FANCI: variants seen among roughly 807,000 people sequenced by gnomAD.
FANCI encodes FA complementation group I, also known as Fanconi anemia group I protein.
In FANCI, 156 loss-of-function variants were observed where a neutral mutation model predicts 176.1. That is an observed-to-expected ratio of 0.89 (90% CI 0.78 to 1.01). The LOEUF (loss-of-function observed/expected upper bound fraction) is 1.01, where lower values mean the gene tolerates loss of function less well. Ranked by LOEUF, FANCI falls within the 50% of genes least tolerant of loss-of-function variation. The pLI is 0.00. For synonymous variants in FANCI, 613 were observed against 541.7 expected (o/e 1.13, Z -1.83); for missense variants, 1,678 against 1,534.1 (o/e 1.09, Z -1.57).
chr15:89,244,918 T>C (rs564915796), intron 1 of FANCI, among the ~76,000 whole-genome samples: 2 of 152,350 alleles, frequency 1.3e-5, no homozygotes, highest in South Asian at 4.2e-4. Flanking sequence ...TTCAATAATT[T>C]GTTCAACAAA....
intron 12 of FANCI, among the ~76,000 whole-genome samples, chr15:89,275,690 C>G (rs184178239): frequency 2.7e-3 from 406 of 152,250 alleles, no homozygotes; most frequent in African/African-American, 9.5e-3. Flanking sequence ...TTTCCCAACC[C>G]AATCTCTTAA....
Position 89,260,696 on chromosome 15 carries a change from C to T in FANCI, c.158-17C>T. On this transcript the variant is annotated splice_polypyrimidine_tract_variant and intron_variant, in intron 3 of 37. Coordinates refer to ENST00000310775, the MANE Select transcript of FANCI (RefSeq NM_001113378.2). ...GTTGTAAGACTTGTTTCTGAACCCCCTGTTTAAAACAATAAGGTTCCCCCT... is the reference window on the plus strand; with the variant it reads ...GTTGTAAGACTTGTTTCTGAACCCCTTGTTTAAAACAATAAGGTTCCCCCT... 1 of 1,612,998 alleles carries T rather than the reference C, an allele frequency of 6.2e-7. No homozygotes were observed. Among genetic ancestry groups the T allele is most frequent in the Non-Finnish European group, 8.5e-7 (1 of 1,179,374 alleles).
At chr15:89,300,265 A>C (rs1191810881) in intron 25 of FANCI, 35 bp from the exon 26 acceptor site, 1 of 1,596,384 alleles carries the variant, frequency 6.3e-7, no homozygotes, top group Non-Finnish European at 8.6e-7. Flanking sequence ...ATGAGTTTAT[A>C]TCAAAGAAGA....
chr15:89,267,361 A>G (rs955856204), intron 9 of FANCI, among the ~76,000 whole-genome samples: 1 of 148,690 alleles, frequency 6.7e-6, no homozygotes, highest in Non-Finnish European at 1.5e-5. Context: ...AGAAGAGGCC[A>G]GTGATGATGC....
intron 12 of FANCI, among the ~76,000 whole-genome samples, chr15:89,274,599 C>CTTTTTTTTTTTTTTTTTTTTTTTTT (rs1157910630): frequency 3.6e-5 from 3 of 82,814 alleles, no homozygotes; most frequent in Non-Finnish European, 6.5e-5. Context: ...TCTTTCTTTC[C>CTTTTTTTTTTTTTTTTTTTTTTTTT]TTTTTTTTTT....
intron 24 of FANCI, among the ~76,000 whole-genome samples, chr15:89,297,021 C>A (rs903470731): frequency 1.3e-5 from 2 of 150,786 alleles, no homozygotes; most frequent in Non-Finnish European, 3.0e-5. Flanking sequence ...CGGGGGCTGA[C>A]CCCCACCTCC....
chr15:89,297,070 A>G (rs1233161280), intron 24 of FANCI, among the ~76,000 whole-genome samples: 1 of 144,892 alleles, frequency 6.9e-6, no homozygotes, highest in Non-Finnish European at 1.5e-5. Flanking sequence ...GACGCTCCTC[A>G]CTTCCCAGAC....
chr15:89,291,424 C>A (rs954259085), intron 19 of FANCI, among the ~76,000 whole-genome samples, 189 bp from the exon 20 acceptor site: 23 of 152,106 alleles, frequency 1.5e-4, no homozygotes, highest in African/African-American at 5.3e-4. Flanking sequence ...CTAATCTGTA[C>A]AATATCCAAA....
At chr15:89,258,403 A>G (rs576441296) in intron 2 of FANCI, among the ~76,000 whole-genome samples, 1 of 152,120 alleles carries the variant, frequency 6.6e-6, no homozygotes. Flanking sequence ...GTTCATCTTT[A>G]TAACATGCCT....
chr15:89,316,906 ATG>A lies in FANCI; in HGVS notation c.*448_*449del, dbSNP rs2055287088. On this transcript the variant is annotated 3_prime_UTR_variant, in exon 38 of 38. Coordinates refer to ENST00000310775, the MANE Select transcript of FANCI (RefSeq NM_001113378.2). ...GCTCAGAAGTGAGCAAAGGAGCTTA[ATG>A]CTAAGGTCAAAAGGAGAGTGAAAGG... 36 of 1,010,280 alleles carry A rather than the reference ATG, an allele frequency of 3.6e-5. No individual in the cohort carries two copies. In the South Asian group the frequency reaches 4.5e-4, roughly 13 times the overall value. The allele number at this position is 1,010,280 out of a possible 1,614,324, so 62.6% of individuals were successfully genotyped here. A position where few individuals can be genotyped will look rare whatever the true frequency, so the allele number is the denominator to read the frequency against.
chr15:89,307,950 T>C, intron 34 of FANCI: 1 of 1,318,540 alleles, frequency 7.6e-7, no homozygotes, highest in Non-Finnish European at 9.7e-7. Context: ...AAGGACTTGG[T>C]TTATTCCTGG....
At chr15:89,260,285 C>A (rs1309193679) in intron 3 of FANCI, among the ~76,000 whole-genome samples, 1 of 151,968 alleles carries the variant, frequency 6.6e-6, no homozygotes, top group Non-Finnish European at 1.5e-5. Context: ...AATGGAGATC[C>A]CCTTATCCAA....
chr15:89,273,044 A>G (rs1284477291), intron 10 of FANCI, among the ~76,000 whole-genome samples: 1 of 152,100 alleles, frequency 6.6e-6, no homozygotes, highest in Non-Finnish European at 1.5e-5. Context: ...TCACACCTGT[A>G]ATCCCAGCAC....
At chr15:89,311,537 C>G (rs73472633) in intron 34 of FANCI, among the ~76,000 whole-genome samples, 1 of 152,188 alleles carries the variant, frequency 6.6e-6, no homozygotes, top group Admixed American at 6.5e-5. Flanking sequence ...TGGACACAAC[C>G]TCTGGGAAGA....
At chr15:89,312,404 G>GA (rs968786114) in intron 34 of FANCI, among the ~76,000 whole-genome samples, 4 of 152,106 alleles carry the variant, frequency 2.6e-5, no homozygotes, top group African/African-American at 4.8e-5. Flanking sequence ...AACTAAAAAA[G>GA]AAAAAATATC....
At chr15:89,251,620 G>A (rs1435207377) in intron 2 of FANCI, among the ~76,000 whole-genome samples, 2 of 151,996 alleles carry the variant, frequency 1.3e-5, no homozygotes, top group Non-Finnish European at 2.9e-5. Flanking sequence ...AAATATTAGG[G>A]GACAGATTGC....
Position 89,307,474 on chromosome 15 carries a change from A to T in FANCI, c.3538-2A>T, listed in dbSNP as rs1407605188. ...CTAAATCTAGGAATCTTTTTTTATT[A>T]GTATCTCCAGGTGTGTCAGAGCTCC... On this transcript the variant is annotated splice_acceptor_variant, in intron 32 of 37. Coordinates refer to ENST00000310775, the MANE Select transcript of FANCI (RefSeq NM_001113378.2). LOFTEE classifies it high-confidence loss of function. 1 of 1,613,614 alleles carries T rather than the reference A, an allele frequency of 6.2e-7. No individual in the cohort carries two copies. The highest frequency in any genetic ancestry group is 8.5e-7 in the Non-Finnish European group (1 of 1,179,650).
intron 34 of FANCI, among the ~76,000 whole-genome samples, chr15:89,312,486 G>A (rs1174740129): frequency 6.6e-6 from 1 of 152,156 alleles, no homozygotes; most frequent in Admixed American, 6.5e-5. Context: ...GTTTACTCCA[G>A]ACTTGGTCCT....
rs560769471 is a variant in FANCI at position 89,307,622 on chromosome 15, T to C, written c.3601T>C (p.Ser1201Pro). ...CTCCCTTGTTGTGCAGGTGAAGCTG[T>C]CTGGTTCTCATCTGACCCCCCTGTG... ...PKNMEKLVKL[S>P]GSHLTPLCYS... The change falls in exon 34 of 38, where the codon TCT becomes CCT. Residue 1201 changes from serine (S) to proline (P), a missense_variant. This residue lies in a region of FANCI where 1,204 missense variants were observed against 1,077.4 expected (regional missense o/e 1.12). Coordinates refer to ENST00000310775, the MANE Select transcript of FANCI (RefSeq NM_001113378.2). 1 of 1,614,200 alleles carries C rather than the reference T, an allele frequency of 6.2e-7. No homozygotes were observed. Among genetic ancestry groups the C allele is most frequent in the South Asian group, 1.1e-5 (1 of 91,086 alleles).
Sources: gnomAD v4.1 joint callset for allele counts (sites outside exome capture counted in the v4.1 genomes callset) on GRCh38, gnomAD v4.1.1 for gene constraint, gnomAD v4.1.1 regional missense constraint, MANE v1.5 for transcripts, NCBI Gene and HGNC (gene_info 2026-07-23, HGNC 2026-07-21) for gene names.